Variants in SIGLEC12 observed in about 807,000 individuals in gnomAD.
SIGLEC12 encodes sialic acid binding Ig like lectin 12.
In SIGLEC12, 43 loss-of-function variants were observed where a neutral mutation model predicts 54.1. That is an observed-to-expected ratio of 0.80 (90% CI 0.62 to 1.03). SIGLEC12 has a LOEUF of 1.03. Ranked by LOEUF, SIGLEC12 falls within the 50% of genes least tolerant of loss-of-function variation. The pLI, the probability that SIGLEC12 is intolerant of heterozygous loss-of-function variation, is 0.00. For missense variants in SIGLEC12, 802 were observed against 735.2 expected (o/e 1.09, Z -1.05); for synonymous variants, 357 against 307.6 (o/e 1.16, Z -1.68).
At chr19:51,499,102 T>G in intron 4 of SIGLEC12, 68 bp downstream of exon 4, 1 of 1,540,220 alleles carries the variant, frequency 6.5e-7, no homozygotes, top group Non-Finnish European at 9.0e-7. Flanking sequence ...GTCACCAGGG[T>G]GAGTCCTGGC....
At position 51,501,323 on chromosome 19, in the gene SIGLEC12, G is replaced by A; in HGVS notation, c.411C>T (p.Leu137=). ...NMKWNYKYDQ[L]SVNVTASQDL... ...GTGCCTTACCTGTCACATTCACAGAGAGCTGGTCATATTTATAATTCCATT... is the reference window on the plus strand; with the variant it reads ...GTGCCTTACCTGTCACATTCACAGAAAGCTGGTCATATTTATAATTCCATT... Residue 137 remains leucine, a synonymous_variant, in exon 1 of 8, where the codon CTC becomes CTT. Transcript: ENST00000291707. 3.7e-6 allele frequency: 6 copies of A among 1,614,194 alleles called. No individual in the cohort carries two copies. The highest frequency in any genetic ancestry group is 1.1e-5 in the South Asian group (1 of 91,082).
chr19:51,498,113 T>C lies in SIGLEC12; in HGVS notation c.1310A>G (p.His437Arg), dbSNP rs1990290530. The C allele has an allele frequency of 1.2e-6, 2 of 1,614,098 alleles. No individual in the cohort carries two copies. Among genetic ancestry groups the C allele is most frequent in the East Asian group, 2.2e-5 (1 of 44,902 alleles). Residue 437 changes from histidine (H) to arginine (R), a missense_variant, in exon 5 of 8, where the codon CAT (histidine) becomes CGT (arginine). Transcript: ENST00000291707. Reference protein sequence around the residue: ...NLGVLELPRVHVKDEGEFTCR... With the variant: ...NLGVLELPRVRVKDEGEFTCR... Reference sequence around the variant, plus strand: ...GGTGAATTCCCCTTCATCCTTCACATGCACTCGAGGCAGCTCCAGCACCCC... The same window carrying C: ...GGTGAATTCCCCTTCATCCTTCACACGCACTCGAGGCAGCTCCAGCACCCC...
At position 51,500,110 on chromosome 19, in the gene SIGLEC12, G is replaced by GT. The variant is rs1990354210; in HGVS notation, c.617dup (p.Asn206LysfsTer57). 4 of 1,614,164 alleles carry GT rather than the reference G, an allele frequency of 2.5e-6. No homozygotes were observed. Among genetic ancestry groups the GT allele is most frequent in the Non-Finnish European group, 3.4e-6 (4 of 1,180,022 alleles). ...CCTCTTGCACTTTTCCACTTGGGGT[G>GT]TTTGTGGCCACTGGAATATCCCATG... On this transcript the variant is annotated frameshift_variant, in exon 2 of 8. Coordinates refer to ENST00000291707, the MANE Select transcript of SIGLEC12 (RefSeq NM_053003.4). LOFTEE classifies it high-confidence loss of function.
Position 51,499,187 on chromosome 19 carries a change from A to G in SIGLEC12, c.1118T>C (p.Phe373Ser). ...YPPQNLTMTV[F>S]QGDGTASTTL... ...CATCTTACCTGTGCCATCTCCTTGG[A>G]AGACAGTCATGGTCAAGTTCTGAGG... The change falls in exon 4 of 8, where the codon TTC becomes TCC. Residue 373 changes from phenylalanine (F) to serine (S), a missense_variant. Phe to Ser is a radical substitution (Grantham distance 155). Coordinates refer to ENST00000291707, the MANE Select transcript of SIGLEC12 (RefSeq NM_053003.4). 1 of 1,614,044 alleles carries G rather than the reference A, an allele frequency of 6.2e-7. No individual in the cohort carries two copies. The highest frequency in any genetic ancestry group is 1.1e-5 in the South Asian group (1 of 91,082).
In SIGLEC12 at chr19:51,498,205, A is replaced by G. The variant is rs1489776348; in HGVS notation, c.1218T>C (p.Asn406=). Residue 406 remains asparagine, a synonymous_variant, in exon 5 of 8, where the codon AAT becomes AAC. Coordinates refer to ENST00000291707, the MANE Select transcript of SIGLEC12 (RefSeq NM_053003.4). ...AGGTCCAGCTCAGCCTGGCAGGGGG[A>G]TTGCTGTCGACAGCACAGACAAGGT... ...SLHLVCAVDS[N]PPARLSWTWG... is the part of the protein sequence containing the mutation. 1.2e-6 allele frequency: 2 copies of G among 1,614,074 alleles called. No homozygotes were observed. The highest frequency in any genetic ancestry group is 1.7e-6 in the Non-Finnish European group (2 of 1,179,990).
rs1386133777 is a variant in SIGLEC12, at chr19:51,497,434, G to A, written c.1417C>T (p.Pro473Ser). ...LQNEYTGKMR[P>S]ISGVTLGAFG... ...GCCCCTAGCGTCACTCCTGATATAG[G>A]CCTCATTTTGCCTGAGGATGGATTG... Residue 473 changes from proline (P) to serine (S), a missense_variant, in exon 6 of 8, where the codon CCT becomes TCT. Pro to Ser is a moderately conservative substitution (Grantham distance 74). Coordinates refer to ENST00000291707, the MANE Select transcript of SIGLEC12 (RefSeq NM_053003.4). 2 of 1,610,754 alleles carry A rather than the reference G, an allele frequency of 1.2e-6. No individual in the cohort carries two copies. The highest frequency in any genetic ancestry group is 1.1e-5 in the South Asian group (1 of 90,968).
chr19:51,499,381 C>A, intron 3 of SIGLEC12, 57 bp downstream of exon 3: 4 of 1,544,694 alleles, frequency 2.6e-6, no homozygotes, highest in Non-Finnish European at 3.5e-6. Flanking sequence ...GGTCCCACAT[C>A]CAACTGGCCT....
Position 51,501,385 on chromosome 19 carries a change from C to T in SIGLEC12, c.349G>A (p.Gly117Arg). ...CTCTCTACACAAAAGACGTATGTCC[C>T]TGCATCACTCTCTCTGGTGTCTCTG... is the stretch of plus-strand genomic sequence containing the variant. ...SIRDTRESDA[G>R]TYVFCVERGN... The change falls in exon 1 of 8, where the codon GGG (glycine) becomes AGG (arginine). Residue 117 changes from glycine (G) to arginine (R), a missense_variant. By Grantham distance (125) the Gly-to-Arg change is moderately radical. Transcript: ENST00000291707. 3 of 1,614,228 alleles carry T rather than the reference C, an allele frequency of 1.9e-6. No individual in the cohort carries two copies. Among genetic ancestry groups the T allele is most frequent in the Non-Finnish European group, 2.5e-6 (3 of 1,180,038 alleles).
rs1232177429 is a variant in SIGLEC12, at chr19:51,497,380, C to T, written c.1471G>A (p.Val491Ile). The change falls in exon 6 of 8, where the codon GTC becomes ATC. Residue 491 changes from valine to isoleucine, a missense_variant. Physicochemically the swap from Val to Ile is conservative, Grantham distance 29 (BLOSUM62 3). Transcript: ENST00000291707. The stretch of plus-strand genomic sequence containing the variant: ...AAGATGATGCAGAAGTACAGGAAGA[C>T]CAGGGCTGTGGCTCCAGCTCCCCCG... ...AFGGAGATAL[V>I]FLYFCIIFVV... 1.2e-6 allele frequency: 2 copies of T among 1,613,232 alleles called. No individual in the cohort carries two copies. Among genetic ancestry groups the T allele is most frequent in the Admixed American group, 1.7e-5 (1 of 59,988 alleles).
At position 51,496,975 on chromosome 19, in the gene SIGLEC12, C is replaced by G. The variant is rs752710799; in HGVS notation, c.1504G>C (p.Val502Leu). The change falls in exon 7 of 8, where the codon GTG becomes CTG. Residue 502 changes from valine to leucine, a missense_variant and splice_region_variant. By Grantham distance (32) the Val-to-Leu change is conservative. Coordinates refer to ENST00000291707, the MANE Select transcript of SIGLEC12 (RefSeq NM_053003.4). ...FLYFCIIFVV[V>L]RSCRKKSARP... Reference sequence around the variant, plus strand: ...GCCGATTTCTTCCTGCAGGACCTCACTCTGAGTGAAGAGACCAGAGAGCCT... The same window carrying G: ...GCCGATTTCTTCCTGCAGGACCTCAGTCTGAGTGAAGAGACCAGAGAGCCT... The G allele has an allele frequency of 1.2e-6, 2 of 1,613,116 alleles. No individual in the cohort carries two copies. Among genetic ancestry groups the G allele is most frequent in the Admixed American group, 3.3e-5 (2 of 60,024 alleles).
At position 51,500,304 on chromosome 19, in the gene SIGLEC12, T is replaced by C. The variant is rs200076622; in HGVS notation, c.428-4A>G. ...CTTGACAGTAGGTCCTGGGACGCTG[T>C]GGAGAAACGAGGGTCAGCCCAGCCC... On this transcript the variant is annotated splice_polypyrimidine_tract_variant and splice_region_variant and intron_variant, in intron 1 of 7. Transcript: ENST00000291707. The C allele has an allele frequency of 1.2e-4, 187 of 1,614,022 alleles. No individual in the cohort carries two copies. In the East Asian group the frequency reaches 3.5e-3, roughly 30 times the overall value.
At position 51,500,201 on chromosome 19, in the gene SIGLEC12, G is replaced by A. The variant is rs767698653; in HGVS notation, c.527C>T (p.Pro176Leu). Residue 176 changes from proline to leucine, a missense_variant, in exon 2 of 8, where the codon CCC (proline) becomes CTC (leucine). Physicochemically the swap from Pro to Leu is moderately conservative, Grantham distance 98. Coordinates refer to ENST00000291707, the MANE Select transcript of SIGLEC12 (RefSeq NM_053003.4). ...CVSVPCSVLY[P>L]HYNWTASSPV... ...GCTAGAGGCAGTCCAGTTGTAATGG[G>A]GGTAAAGGACACTGCAGGGCACAGA... The A allele has an allele frequency of 6.2e-7, 1 of 1,614,024 alleles. No homozygotes were observed. Among genetic ancestry groups the A allele is most frequent in the African/African-American group, 1.3e-5 (1 of 74,914 alleles).
At chr19:51,497,913 A>C in intron 5 of SIGLEC12, 105 bp downstream of exon 5, 1 of 1,497,924 alleles carries the variant, frequency 6.7e-7, no homozygotes. Context: ...GCTTGGCAGC[A>C]AGAGGACTGT....
At position 51,501,464 on chromosome 19, in the gene SIGLEC12, C is replaced by T. The variant is rs775252622; in HGVS notation, c.270G>A (p.Arg90=). The change falls in exon 1 of 8, where the codon CGG becomes CGA. Residue 90 remains arginine (R), a synonymous_variant. Coordinates refer to ENST00000291707, the MANE Select transcript of SIGLEC12 (RefSeq NM_053003.4). ...NPARAVQEET[R]DRFHLLGDPQ... is the part of the protein sequence containing the mutation. The stretch of plus-strand genomic sequence containing the variant: ...GGTCCCCAAGGAGGTGGAATCGGTC[C>T]CGAGTCTCCTCCTGCACTGCTCGAG... 2.5e-6 allele frequency: 4 copies of T among 1,614,190 alleles called. No individual in the cohort carries two copies. In the South Asian group the frequency reaches 4.4e-5, roughly 18 times the overall value.
At chr19:51,494,965 G>A (rs1316792140) in intron 7 of SIGLEC12, among the ~76,000 whole-genome samples, 1 of 152,152 alleles carries the variant, frequency 6.6e-6, no homozygotes, top group Non-Finnish European at 1.5e-5. Context: ...GGCTGCAGGA[G>A]GATGAAGAGG....
Position 51,500,151 on chromosome 19 carries a change from C to T in SIGLEC12, c.577G>A (p.Glu193Lys). Residue 193 changes from glutamate to lysine, a missense_variant, in exon 2 of 8, where the codon GAA (glutamate) becomes AAA (lysine). Transcript: ENST00000291707. ...SSPVYGSWFK[E>K]GADIPWDIPV... ...ATATCCCATGGTATATCGGCCCCTT[C>T]CTTGAACCAGGATCCATAAACAGGG... 1 of 1,614,156 alleles carries T rather than the reference C, an allele frequency of 6.2e-7. No individual in the cohort carries two copies. Among genetic ancestry groups the T allele is most frequent in the African/African-American group, 1.3e-5 (1 of 75,020 alleles).
intron 1 of SIGLEC12, among the ~76,000 whole-genome samples, chr19:51,501,043 G>A (rs1036414527): frequency 7.2e-5 from 11 of 152,140 alleles, no homozygotes; most frequent in African/African-American, 2.7e-4. Context: ...AAAACAAGGA[G>A]TCATAAGGCC....
At chr19:51,492,182 GCCT>G (rs1356165727) in intron 7 of SIGLEC12, among the ~76,000 whole-genome samples, 2 of 152,166 alleles carry the variant, frequency 1.3e-5, no homozygotes, top group African/African-American at 4.8e-5. Context: ...TCCTGCTGAG[GCCT>G]CCTGTGTGTG....
chr19:51,496,870 GCTCA>G lies in SIGLEC12; in HGVS notation c.1599+6_1599+9del, dbSNP rs553865702. ...CAGGGGAGAAGGGCTGTGATTCAAT[GCTCA>G]CTCACCTGAGAGGCTGAGCCCCTGA... On this transcript the variant is annotated splice_donor_region_variant and intron_variant, in intron 7 of 7. Transcript: ENST00000291707. The G allele has an allele frequency of 1.2e-4, 185 of 1,607,010 alleles. 1 individual carries two copies. The East Asian group carries it at 3.9e-3, about 33-fold the overall frequency.
Sources: allele counts gnomAD v4.1 joint callset (sites outside exome capture counted in the v4.1 genomes callset), GRCh38; gene constraint gnomAD v4.1.1; transcripts MANE v1.5; gene names NCBI Gene and HGNC (gene_info 2026-07-23, HGNC 2026-07-21).